The following ARHGAP6 variants were observed in gnomAD, a reference collection of about 807,000 sequenced individuals.
The protein encoded by ARHGAP6 is rho GTPase-activating protein 6.
ARHGAP6 carries 16 observed loss-of-function variants against 55.7 expected under a neutral mutation model. The observed-to-expected ratio is 0.29, with a 90% confidence interval of 0.19 to 0.44. ARHGAP6 has a LOEUF of 0.44. ARHGAP6 is among the 20% of genes least tolerant of loss of function. The probability of loss-of-function intolerance (pLI) is 1.00; values close to 1 mark genes in which losing one functional copy is unlikely to be tolerated. For synonymous variants in ARHGAP6, 382 were observed against 360.9 expected (o/e 1.06, Z -0.66); for missense variants, 698 against 808.9 (o/e 0.86, Z 1.66).
chrX:11,431,966 A>G (rs959791986), intron 1 of ARHGAP6, among the ~76,000 whole-genome samples: 2 of 111,579 alleles, frequency 1.8e-5, no homozygotes, highest in African/African-American at 6.5e-5. Flanking sequence ...TAGAGGCTGG[A>G]CATTGCAGAA....
intron 8 of ARHGAP6, among the ~76,000 whole-genome samples, chrX:11,177,378 G>C (rs882085): frequency 1.1e-5 from 1 of 93,482 alleles, no homozygotes; most frequent in South Asian, 7.0e-4. Context: ...GGCGGGGGGG[G>C]GGCACACTGG....
intron 1 of ARHGAP6, among the ~76,000 whole-genome samples, chrX:11,283,478 A>G (rs2047884332): frequency 8.9e-6 from 1 of 112,259 alleles, no homozygotes; most frequent in Non-Finnish European, 1.9e-5. Context: ...AGGAAGCAGA[A>G]TAATGCCCCC....
Position 11,664,234 on chromosome X carries a change from T to G in ARHGAP6, c.588+7A>C, listed in dbSNP as rs1162899522. On this transcript the variant is annotated splice_region_variant and intron_variant, in intron 1 of 12. Coordinates refer to ENST00000337414, the MANE Select transcript of ARHGAP6 (RefSeq NM_013427.3). Reference sequence around the variant, plus strand: ...TGGGCCGTGGGACGCGCAGCGCTGGTCCCTACCTCGGATTTCCACACGACG... The same window carrying G: ...TGGGCCGTGGGACGCGCAGCGCTGGGCCCTACCTCGGATTTCCACACGACG... 8.3e-7 allele frequency: 1 copy of G among 1,198,238 alleles called. No individual in the cohort carries two copies. The highest frequency in any genetic ancestry group is 1.7e-5 in the African/African-American group (1 of 57,697).
rs59008705 is a variant in ARHGAP6 at position 11,552,555 on chromosome X, CATATATATATATATATATATATATAT to C, written c.588+111660_588+111685del. 5.5e-3 allele frequency among the ~76,000 whole-genome samples: 69 copies of C among 12,538 alleles called. 2 individuals are homozygous for C. The South Asian group carries it at 0.11, about 19-fold the overall frequency. 10.9% of individuals were successfully genotyped at this position (12,538 alleles called of 115,157 possible). A position where few individuals can be genotyped will look rare whatever the true frequency, so the allele number is the denominator to read the frequency against. On this transcript the variant is annotated intron_variant, in intron 1 of 12. Coordinates refer to ENST00000337414, the MANE Select transcript of ARHGAP6 (RefSeq NM_013427.3). ...GGATGAACTGATAAAGAAAATGTGC[CATATATATATATATATATATATATAT>C]ATATATATATATATATATAGACACA...
intron 1 of ARHGAP6, among the ~76,000 whole-genome samples, chrX:11,443,923 G>A (rs375674177): frequency 3.3e-4 from 36 of 108,798 alleles, no homozygotes; most frequent in Admixed American, 1.2e-3. Flanking sequence ...GCGAGACTCC[G>A]TCTCAAACAA....
intron 1 of ARHGAP6, among the ~76,000 whole-genome samples, chrX:11,603,189 A>T (rs1231791396): frequency 8.9e-6 from 1 of 111,794 alleles, no homozygotes; most frequent in Admixed American, 9.5e-5. Flanking sequence ...CTCAAGAAGC[A>T]TTTAAGCCCT....
chrX:11,616,648 T>C, intron 1 of ARHGAP6, among the ~76,000 whole-genome samples: 1 of 112,059 alleles, frequency 8.9e-6, no homozygotes, highest in African/African-American at 3.2e-5. Flanking sequence ...CTTAATAAAC[T>C]ACCAAGCCTC....
chrX:11,573,902 G>C (rs1379340229), intron 1 of ARHGAP6, among the ~76,000 whole-genome samples: 1 of 111,146 alleles, frequency 9.0e-6, no homozygotes, highest in Non-Finnish European at 1.9e-5. Context: ...GGTCCTTCAC[G>C]TCCCTTGTAA....
At chrX:11,184,564 TA>T (rs931266115) in intron 5 of ARHGAP6, among the ~76,000 whole-genome samples, 1 of 112,184 alleles carries the variant, frequency 8.9e-6, no homozygotes, top group Non-Finnish European at 1.9e-5. Context: ...CATGTGAAAA[TA>T]AAAAAATAAA....
intron 7 of ARHGAP6, among the ~76,000 whole-genome samples, chrX:11,178,507 A>G (rs1481082994): frequency 9.1e-6 from 1 of 110,410 alleles, no homozygotes; most frequent in Non-Finnish European, 1.9e-5. Context: ...AGGTAACTCA[A>G]TTTCCCTTAC....
chrX:11,272,871 T>G (rs969780026), intron 1 of ARHGAP6, among the ~76,000 whole-genome samples: 1 of 111,954 alleles, frequency 8.9e-6, no homozygotes, highest in Non-Finnish European at 1.9e-5. Context: ...TGGGATGCAG[T>G]GTTATAGCAC....
At chrX:11,505,747 C>T (rs1005977024) in intron 1 of ARHGAP6, among the ~76,000 whole-genome samples, 2 of 111,054 alleles carry the variant, frequency 1.8e-5, no homozygotes, top group South Asian at 3.9e-4. Flanking sequence ...TGTCCTTTGC[C>T]GGGACATGGA....
At chrX:11,326,905 C>T (rs762270594) in intron 1 of ARHGAP6, among the ~76,000 whole-genome samples, 1 of 111,446 alleles carries the variant, frequency 9.0e-6, no homozygotes, top group Non-Finnish European at 1.9e-5. Context: ...TAAATAATGC[C>T]ATGGCAGACC....
At chrX:11,469,875 C>T (rs2050331050) in intron 1 of ARHGAP6, among the ~76,000 whole-genome samples, 1 of 111,450 alleles carries the variant, frequency 9.0e-6, no homozygotes, top group African/African-American at 3.3e-5. Context: ...GTGGGTACAT[C>T]TGTTCTATCT....
chrX:11,556,323 A>T (rs2051319996), intron 1 of ARHGAP6, among the ~76,000 whole-genome samples: 1 of 111,632 alleles, frequency 9.0e-6, no homozygotes, highest in Admixed American at 9.5e-5. Flanking sequence ...AGGATAGATG[A>T]GTGTATGGGG....
intron 2 of ARHGAP6, among the ~76,000 whole-genome samples, 181 bp downstream of exon 2, chrX:11,254,367 T>C (rs2047463657): frequency 8.9e-6 from 1 of 111,947 alleles, no homozygotes; most frequent in African/African-American, 3.3e-5. Context: ...TTACCTGACA[T>C]GCAAATTGTC....
At chrX:11,428,103 T>C (rs1603202630) in intron 1 of ARHGAP6, among the ~76,000 whole-genome samples, 1 of 112,403 alleles carries the variant, frequency 8.9e-6, no homozygotes, top group East Asian at 2.8e-4. Context: ...AAGGCGAACT[T>C]GGGTTTCCAA....
chrX:11,285,169 T>TTG (rs763193103), intron 1 of ARHGAP6, among the ~76,000 whole-genome samples: 63 of 108,537 alleles, frequency 5.8e-4, no homozygotes, highest in African/African-American at 2.0e-3. Context: ...AGATTGTTTT[T>TTG]TTTTTTTTTT....
chrX:11,482,878 T>C (rs2050471438), intron 1 of ARHGAP6, among the ~76,000 whole-genome samples: 2 of 111,613 alleles, frequency 1.8e-5, no homozygotes, highest in African/African-American at 6.5e-5. Flanking sequence ...GAGTGGGGTC[T>C]ACACTGTCCC....
Sources: gnomAD v4.1 joint callset for allele counts (sites outside exome capture counted in the v4.1 genomes callset) on GRCh38, gnomAD v4.1.1 for gene constraint, MANE v1.5 for transcripts, NCBI Gene and HGNC (gene_info 2026-07-23, HGNC 2026-07-21) for gene names.